The following TENM4 variants were observed in gnomAD, a reference collection of about 807,000 sequenced individuals.
TENM4 encodes the protein teneurin transmembrane protein 4, also known as teneurin-4.
TENM4 carries 82 observed loss-of-function variants against 243.3 expected under a neutral mutation model. That is an observed-to-expected ratio of 0.34 (90% CI 0.28 to 0.40). The LOEUF is 0.40. TENM4 is among the 10% of genes least tolerant of loss of function. TENM4 has a pLI of 1.00. For synonymous variants in TENM4, 1,412 were observed against 1,456.3 expected, an observed-to-expected ratio of 0.97 and a Z score of 0.69; for missense variants, 3,138 against 3,673.3, an observed-to-expected ratio of 0.85 and a Z score of 3.77.
intron 4 of TENM4, among the ~76,000 whole-genome samples, chr11:79,124,561 T>G (rs567743615): frequency 1.3e-5 from 2 of 151,782 alleles, no homozygotes; most frequent in Admixed American, 1.3e-4. Context: ...TGTGACAGTG[T>G]GAGTTAATAC....
intron 20 of TENM4, 116 bp from the exon 21 acceptor site, chr11:78,732,693 T>TCAAG: frequency 8.1e-7 from 1 of 1,232,906 alleles, no homozygotes; most frequent in South Asian, 1.9e-5. Context: ...TCAGCATTTC[T>TCAAG]TGAGGGAGGC....
At chr11:78,835,304 G>A (rs1433233072) in intron 12 of TENM4, among the ~76,000 whole-genome samples, 3 of 152,076 alleles carry the variant, frequency 2.0e-5, no homozygotes, top group African/African-American at 7.2e-5. Context: ...TCAAGAGATC[G>A]AGACCATCCT....
chr11:78,926,677 G>GTTTT lies in TENM4; in HGVS notation c.494-23158_494-23155dup, dbSNP rs754243078. On this transcript the variant is annotated intron_variant, in intron 6 of 33. Coordinates refer to ENST00000278550, the MANE Select transcript of TENM4 (RefSeq NM_001098816.3). Reference sequence around the variant, plus strand: ...ATAATTAAAAATAAAGGTGTTTTTTGTTTTTTTTTTTTTCTGCCACAGAGG... The same window carrying GTTTT: ...ATAATTAAAAATAAAGGTGTTTTTTGTTTTTTTTTTTTTTTTTCTGCCACAGAGG... 3.0e-3 allele frequency among the ~76,000 whole-genome samples: 376 copies of GTTTT among 127,296 alleles called. 3 individuals carry two copies. Among genetic ancestry groups the GTTTT allele is most frequent in the Non-Finnish European group, 4.8e-3 (287 of 59,372 alleles). 83.5% of individuals were successfully genotyped at this position (127,296 alleles called of 152,430 possible).
intron 9 of TENM4, among the ~76,000 whole-genome samples, chr11:78,863,610 A>G (rs1407913915): frequency 6.6e-6 from 1 of 152,250 alleles, no homozygotes; most frequent in Non-Finnish European, 1.5e-5. Flanking sequence ...ATTCATAGCA[A>G]AAGAAATGTA....
At chr11:78,756,143 G>C (rs1026872818) in intron 19 of TENM4, 1 of 152,418 alleles carries the variant, frequency 6.6e-6, no homozygotes, top group East Asian at 1.9e-4. Context: ...TAAAGCCCTG[G>C]CCTCCCTCCT....
intron 4 of TENM4, among the ~76,000 whole-genome samples, chr11:79,082,775 C>T (rs538933925): frequency 2.4e-4 from 37 of 152,114 alleles, no homozygotes; most frequent in Non-Finnish European, 4.7e-4. Flanking sequence ...GTAGCTTTGG[C>T]AGAATTTCAC....
At chr11:78,801,816 TG>T (rs776073381) in intron 15 of TENM4, among the ~76,000 whole-genome samples, 118 of 152,324 alleles carry the variant, frequency 7.7e-4, no homozygotes, top group Non-Finnish European at 1.4e-3. Context: ...TGGGAGGGAC[TG>T]GGCAGTGTCT....
At chr11:78,942,108 TAAA>T (rs34713120) in intron 6 of TENM4, among the ~76,000 whole-genome samples, 14 of 119,014 alleles carry the variant, frequency 1.2e-4, no homozygotes, top group Admixed American at 3.5e-4. Flanking sequence ...GCTGATGAGC[TAAA>T]AAAAAAAAAA....
At chr11:79,042,970 C>T (rs368193734) in intron 6 of TENM4, among the ~76,000 whole-genome samples, 1 of 152,210 alleles carries the variant, frequency 6.6e-6, no homozygotes, top group Non-Finnish European at 1.5e-5. Flanking sequence ...TGCCCAAGCA[C>T]GTCTTGCCAC....
chr11:79,166,258 T>C (rs965611293), intron 3 of TENM4, among the ~76,000 whole-genome samples: 1 of 152,180 alleles, frequency 6.6e-6, no homozygotes, highest in African/African-American at 2.4e-5. Context: ...GAAAGTTCCA[T>C]AGCAGAAAGA....
chr11:79,366,781 A>G (rs975023368), intron 1 of TENM4, among the ~76,000 whole-genome samples: 3 of 152,214 alleles, frequency 2.0e-5, no homozygotes, highest in African/African-American at 7.2e-5. Flanking sequence ...GCCAGAAGTT[A>G]AAATAGATCT....
chr11:78,975,518 T>C (rs1857634551), intron 6 of TENM4, among the ~76,000 whole-genome samples: 1 of 151,992 alleles, frequency 6.6e-6, no homozygotes, highest in South Asian at 2.1e-4. Flanking sequence ...GCTCTGCACT[T>C]TGGTACTGAG....
At position 79,011,177 on chromosome 11, in the gene TENM4, T is replaced by C. The variant is rs181006778; in HGVS notation, c.493+53561A>G. Among the ~76,000 whole-genome samples the C allele has an allele frequency of 4.7e-3, 709 of 152,350 alleles. 1 individual carries two copies. The highest frequency in any genetic ancestry group is 7.1e-3 in the Non-Finnish European group (485 of 68,028). Reference sequence around the variant, plus strand: ...AAACCTTCCGTGAATCCAGAACAGATGGGCCCACGCATGGGCTCTGCCCCA... The same window carrying C: ...AAACCTTCCGTGAATCCAGAACAGACGGGCCCACGCATGGGCTCTGCCCCA... On this transcript the variant is annotated intron_variant, in intron 6 of 33. Coordinates refer to ENST00000278550, the MANE Select transcript of TENM4 (RefSeq NM_001098816.3).
At chr11:79,199,043 C>T (rs1489815836) in intron 3 of TENM4, among the ~76,000 whole-genome samples, 1 of 151,978 alleles carries the variant, frequency 6.6e-6, no homozygotes, top group Non-Finnish European at 1.5e-5. Context: ...GGAAGATGGC[C>T]AGTGTGGGTG....
intron 3 of TENM4, among the ~76,000 whole-genome samples, chr11:79,199,014 G>A (rs1047629995): frequency 2.6e-5 from 4 of 152,182 alleles, no homozygotes; most frequent in Admixed American, 2.0e-4. Flanking sequence ...GATGTTAGAC[G>A]CTGCAAGTTA....
intron 25 of TENM4, among the ~76,000 whole-genome samples, chr11:78,715,724 A>C (rs1034280212): frequency 6.6e-6 from 1 of 152,224 alleles, no homozygotes. Flanking sequence ...CGAATGACTA[A>C]GTCCCTGCTC....
intron 3 of TENM4, among the ~76,000 whole-genome samples, chr11:79,204,265 A>G (rs1399708259): frequency 1.3e-5 from 2 of 152,232 alleles, no homozygotes; most frequent in Non-Finnish European, 2.9e-5. Context: ...GACTGTATGT[A>G]TATGTCAATT....
chr11:78,950,115 T>C (rs1415426889), intron 6 of TENM4, among the ~76,000 whole-genome samples: 1 of 152,084 alleles, frequency 6.6e-6, no homozygotes, highest in East Asian at 1.9e-4. Flanking sequence ...AGCCTGCCCA[T>C]TGTCCAGGCC....
rs1303798506 is a variant in TENM4, at chr11:78,791,400, T to C, written c.2180-4317A>G. On this transcript the variant is annotated intron_variant, in intron 15 of 33. Transcript: ENST00000278550. ...GTGCTTTGACAGCTCATATGTCTTT[T>C]ACATAATGTAAGTGGTCCTTTGTGA... Among the ~76,000 whole-genome samples, 3 of 152,258 alleles carry C rather than the reference T, an allele frequency of 2.0e-5. No homozygotes were observed. In the East Asian group the frequency reaches 5.8e-4, roughly 29 times the overall value.
Sources: gnomAD v4.1 joint callset for allele counts (sites outside exome capture counted in the v4.1 genomes callset) on GRCh38, gnomAD v4.1.1 for gene constraint, MANE v1.5 for transcripts, NCBI Gene and HGNC (gene_info 2026-07-23, HGNC 2026-07-21) for gene names.